PHKA1: variants seen among roughly 807,000 people sequenced by gnomAD.
PHKA1 encodes the protein phosphorylase b kinase regulatory subunit alpha, skeletal muscle isoform.
In PHKA1, 60 loss-of-function variants were observed where a neutral mutation model predicts 110.2. The observed-to-expected ratio is 0.54, with a 90% CI of 0.44 to 0.68. PHKA1 has a LOEUF of 0.68. PHKA1 is among the 30% of genes least tolerant of loss of function. PHKA1 has a pLI of 0.00. For missense variants in PHKA1, 801 were observed against 942.5 expected (o/e 0.85, Z 1.97); for synonymous variants, 316 against 333.6 (o/e 0.95, Z 0.58).
Position 72,713,774 on chromosome X carries a change from G to A in PHKA1, c.78+29C>T, listed in dbSNP as rs1556335854. On this transcript the variant is annotated intron_variant, in intron 1 of 31. Coordinates refer to ENST00000373542, the MANE Select transcript of PHKA1 (RefSeq NM_002637.4). Reference sequence around the variant, plus strand: ...CTATGACAAGCTACATCCTCGCTCGGTGATTACGAGAGACACCCCTGCAGT... The same window carrying A: ...CTATGACAAGCTACATCCTCGCTCGATGATTACGAGAGACACCCCTGCAGT... 2.7e-6 allele frequency: 3 copies of A among 1,122,714 alleles called. No homozygotes were observed. In the African/African-American group the frequency reaches 5.4e-5, roughly 20 times the overall value. 92.5% of individuals were successfully genotyped at this position (1,122,714 alleles called of 1,213,427 possible).
chrX:72,699,620 A>T (rs1156716210), intron 3 of PHKA1, among the ~76,000 whole-genome samples: 1 of 110,334 alleles, frequency 9.1e-6, no homozygotes, highest in Non-Finnish European at 1.9e-5. Flanking sequence ...TAACAAAAAA[A>T]AATTTTTTTA....
At chrX:72,711,522 A>G (rs782216020) in intron 2 of PHKA1, among the ~76,000 whole-genome samples, 1 of 111,593 alleles carries the variant, frequency 9.0e-6, no homozygotes, top group South Asian at 3.8e-4. Context: ...AGGCGGGCAG[A>G]TCACAAGGTC....
intron 1 of PHKA1, 93 bp downstream of exon 1, chrX:72,713,710 G>T: frequency 7.4e-6 from 4 of 540,210 alleles, no homozygotes; most frequent in Non-Finnish European, 1.3e-5. Context: ...ACCCACACAC[G>T]CACGCACGCA....
At chrX:72,633,666 G>T (rs1464852574) in intron 16 of PHKA1, among the ~76,000 whole-genome samples, 1 of 110,911 alleles carries the variant, frequency 9.0e-6, no homozygotes, top group Non-Finnish European at 1.9e-5. Context: ...CTCATATGTG[G>T]ATTAGTTTCT....
At chrX:72,584,356 C>T in intron 29 of PHKA1, 54 bp from the exon 30 acceptor site, 4 of 1,058,738 alleles carry the variant, frequency 3.8e-6, no homozygotes, top group Non-Finnish European at 4.0e-6. Flanking sequence ...CAAGGATAGA[C>T]AAACAACGGG....
At chrX:72,710,844 T>A (rs1276396654) in intron 2 of PHKA1, among the ~76,000 whole-genome samples, 27 of 107,348 alleles carry the variant, frequency 2.5e-4, no homozygotes, top group South Asian at 4.0e-4. Context: ...TTTTTTATTT[T>A]TTTTTTTATT....
chrX:72,621,614 T>C (rs1424425316), intron 18 of PHKA1: 1 of 149,895 alleles, frequency 6.7e-6, no homozygotes, highest in African/African-American at 3.2e-5. Flanking sequence ...GTCTGCTGTA[T>C]CAGTCATGAG....
At chrX:72,645,367 A>G (rs1556296873) in intron 13 of PHKA1, among the ~76,000 whole-genome samples, 1 of 112,098 alleles carries the variant, frequency 8.9e-6, no homozygotes, top group Non-Finnish European at 1.9e-5. Flanking sequence ...ATTATTTTCT[A>G]CATTGAGTTT....
At chrX:72,668,909 TA>T (rs2147783193) in intron 6 of PHKA1, among the ~76,000 whole-genome samples, 1 of 112,452 alleles carries the variant, frequency 8.9e-6, no homozygotes, top group South Asian at 3.7e-4. Context: ...GGTACAGGCA[TA>T]AGACAGACAG....
rs781921704 is a variant in PHKA1 at position 72,584,800 on chromosome X, G to A, written c.3244-498C>T. Among the ~76,000 whole-genome samples the A allele has an allele frequency of 1.3e-3, 142 of 106,938 alleles. 4 individuals are homozygous for A. In the South Asian group the frequency reaches 0.03, roughly 23 times the overall value. The allele number at this position is 106,938 out of a possible 115,157, so 92.9% of individuals were successfully genotyped here. ...AAGTTCTAGGGTACATGTGCACAAC[G>A]TGCAGGTTTGTTACATATGTATACA... On this transcript the variant is annotated intron_variant, in intron 29 of 31. Transcript: ENST00000373542.
intron 16 of PHKA1, among the ~76,000 whole-genome samples, chrX:72,628,676 G>A (rs1288794427): frequency 9.5e-6 from 1 of 105,316 alleles, no homozygotes; most frequent in African/African-American, 3.5e-5. Context: ...TGCAACCTCC[G>A]CCTCCCGGGT....
intron 21 of PHKA1, among the ~76,000 whole-genome samples, chrX:72,612,485 C>T (rs1556262343): frequency 8.9e-6 from 1 of 111,851 alleles, no homozygotes; most frequent in Non-Finnish European, 1.9e-5. Flanking sequence ...TCTATCAATT[C>T]GAGTTCTGGT....
chrX:72,621,501 G>C, intron 18 of PHKA1, among the ~76,000 whole-genome samples: 1 of 111,667 alleles, frequency 9.0e-6, no homozygotes, highest in Middle Eastern at 4.6e-3. Context: ...GTAATGGAAA[G>C]AAAAACATAC....
intron 3 of PHKA1, among the ~76,000 whole-genome samples, chrX:72,699,403 G>A (rs1289087208): frequency 9.5e-6 from 1 of 105,692 alleles, no homozygotes; most frequent in Non-Finnish European, 1.9e-5. Context: ...CAGCTACTCA[G>A]GAGGCTGAGG....
At chrX:72,606,122 C>A (rs1408935829) in intron 23 of PHKA1, among the ~76,000 whole-genome samples, 2 of 111,446 alleles carry the variant, frequency 1.8e-5, no homozygotes, top group East Asian at 5.6e-4. Context: ...TGGCTGGGAA[C>A]ATTTCAAGTC....
chrX:72,601,634 G>A lies in PHKA1; in HGVS notation c.3072+357C>T, dbSNP rs192741916. Among the ~76,000 whole-genome samples, 330 of 110,844 alleles carry A rather than the reference G, an allele frequency of 3.0e-3. 4 individuals are homozygous for A. The highest frequency in any genetic ancestry group is 0.01 in the African/African-American group (314 of 30,511). On this transcript the variant is annotated intron_variant, in intron 28 of 31. Transcript: ENST00000373542. ...CTAAAGCTGGATTTTACAAGGAAGT[G>A]CACAAATGGGCCTAGGAAAAGGTTG...
At chrX:72,710,962 C>G (rs1217435305) in intron 2 of PHKA1, among the ~76,000 whole-genome samples, 4 of 106,633 alleles carry the variant, frequency 3.8e-5, no homozygotes, top group Non-Finnish European at 7.8e-5. Context: ...CCCGGGTTCA[C>G]GCCATTCTCC....
At position 72,714,204 on chromosome X, in the gene PHKA1, A is replaced by T. The variant is rs2147856581; in HGVS notation, c.-324T>A. 1 of 204,194 alleles carries T rather than the reference A, an allele frequency of 4.9e-6. No individual in the cohort carries two copies. Among genetic ancestry groups the T allele is most frequent in the Non-Finnish European group, 8.9e-6 (1 of 111,941 alleles). 16.8% of individuals were successfully genotyped at this position (204,194 alleles called of 1,213,427 possible). A position where few individuals can be genotyped will look rare whatever the true frequency, so the allele number is the denominator to read the frequency against. On this transcript the variant is annotated 5_prime_UTR_variant, in exon 1 of 32. The change creates a new upstream start codon in the 5' untranslated region. Coordinates refer to ENST00000373542, the MANE Select transcript of PHKA1 (RefSeq NM_002637.4). ...GTGTGACTCCTGCATCCTCCCCTCA[A>T]CCCCGGGAGACCGCCGCGGCCCACA...
At chrX:72,611,423 T>C (rs2052808163) in intron 21 of PHKA1, among the ~76,000 whole-genome samples, 1 of 111,843 alleles carries the variant, frequency 8.9e-6, no homozygotes, top group Non-Finnish European at 1.9e-5. Flanking sequence ...TCTTTTACCC[T>C]ATTCATGGGC....
Sources: gnomAD v4.1 joint callset for allele counts (sites outside exome capture counted in the v4.1 genomes callset) on GRCh38, gnomAD v4.1.1 for gene constraint, MANE v1.5 for transcripts, NCBI Gene and HGNC (gene_info 2026-07-23, HGNC 2026-07-21) for gene names.